The following ZNF451 variants were observed in gnomAD, a reference collection of about 807,000 sequenced individuals.
ZNF451 encodes zinc finger protein 451.
Under a neutral mutation model 107.1 loss-of-function variants are expected in ZNF451, and 80 were observed. That is an observed-to-expected ratio of 0.75 (90% CI 0.62 to 0.90). The LOEUF (loss-of-function observed/expected upper bound fraction) is 0.90. Ranked by LOEUF, ZNF451 falls within the 40% of genes least tolerant of loss-of-function variation. ZNF451 has a pLI of 0.00. For missense variants in ZNF451, 1,107 were observed against 1,236.2 expected, an observed-to-expected ratio of 0.90 and a Z score of 1.57; for synonymous variants, 362 against 406.5, an observed-to-expected ratio of 0.89 and a Z score of 1.32.
At chr6:57,108,131 GC>G (rs1829954388) in intron 3 of ZNF451, 1 of 985,148 alleles carries the variant, frequency 1.0e-6, no homozygotes, top group African/African-American at 1.7e-5. Flanking sequence ...GAGCCACAGT[GC>G]CCGGCCTGTA....
intron 3 of ZNF451, among the ~76,000 whole-genome samples, chr6:57,113,334 G>A (rs1205489554): frequency 2.0e-5 from 3 of 149,020 alleles, no homozygotes; most frequent in East Asian, 1.9e-4. Flanking sequence ...TTTTTTGGCC[G>A]TATAGTAGTC....
intron 3 of ZNF451, chr6:57,105,525 C>T: frequency 3.0e-6 from 3 of 985,276 alleles, no homozygotes; most frequent in Non-Finnish European, 3.6e-6. Flanking sequence ...TAAATGTACT[C>T]CCTTCTGAAT....
chr6:57,094,276 G>T (rs1002560244), intron 2 of ZNF451, among the ~76,000 whole-genome samples: 3 of 152,048 alleles, frequency 2.0e-5, no homozygotes, highest in Non-Finnish European at 4.4e-5. Context: ...ATTGGGAATA[G>T]AATTCTTTAA....
At chr6:57,149,635 G>T (rs777976385) in intron 10 of ZNF451, among the ~76,000 whole-genome samples, 2 of 152,020 alleles carry the variant, frequency 1.3e-5, no homozygotes, top group Non-Finnish European at 2.9e-5. Context: ...GAAAATTTTG[G>T]CCAGTAATGT....
At position 57,128,799 on chromosome 6, in the gene ZNF451, A is replaced by G. The variant is rs1469527063; in HGVS notation, c.383A>G (p.Glu128Gly). The change falls in exon 5 of 15, where the codon GAA becomes GGA. Residue 128 changes from glutamate to glycine, a missense_variant. This residue lies in a region of ZNF451 where 339 missense variants were observed against 372.8 expected (regional missense o/e 0.91). Coordinates refer to ENST00000370706, the MANE Select transcript of ZNF451 (RefSeq NM_001031623.3). Reference protein sequence around the residue: ...LEFIRGHSDTEAARLCVDQWL... With the variant: ...LEFIRGHSDTGAARLCVDQWL... ...TTTATTCGAGGACATTCTGATACAGAAGCAGCAAGACTGTGTGTGGACCAG... is the reference window on the plus strand; with the variant it reads ...TTTATTCGAGGACATTCTGATACAGGAGCAGCAAGACTGTGTGTGGACCAG... 2 of 1,613,126 alleles carry G rather than the reference A, an allele frequency of 1.2e-6. No homozygotes were observed. Among genetic ancestry groups the G allele is most frequent in the Non-Finnish European group, 1.7e-6 (2 of 1,179,510 alleles).
chr6:57,140,728 C>G (rs1449802982), intron 7 of ZNF451, among the ~76,000 whole-genome samples: 1 of 151,988 alleles, frequency 6.6e-6, no homozygotes, highest in African/African-American at 2.4e-5. Context: ...GACACCATGG[C>G]GTAGTTTGCA....
At chr6:57,163,436 C>CTGTTTTTTTTTTTTTTT (rs1763756954) in intron 14 of ZNF451, among the ~76,000 whole-genome samples, 1 of 30,334 alleles carries the variant, frequency 3.3e-5, no homozygotes, top group African/African-American at 1.2e-4. Context: ...AATGAATAAA[C>CTGTTTTTTTTTTTTTTT]TTTTTTTTTT....
At position 57,099,185 on chromosome 6, in the gene ZNF451, T is replaced by C. The variant is rs749685079; in HGVS notation, c.186+44T>C. ...ATTTGTGTTTCTTCACTTGTGTCTT[T>C]TAAGAGGTATTCTCTAAAGAGAGTT... On this transcript the variant is annotated intron_variant, in intron 3 of 14. Transcript: ENST00000370706. 6 of 1,434,428 alleles carry C rather than the reference T, an allele frequency of 4.2e-6. No individual in the cohort carries two copies. In the Admixed American group the frequency reaches 8.7e-5, roughly 21 times the overall value. 88.9% of individuals were successfully genotyped at this position (1,434,428 alleles called of 1,614,324 possible). A position where few individuals can be genotyped will look rare whatever the true frequency, so the allele number is the denominator to read the frequency against.
At chr6:57,155,698 T>C (rs1238056482) in intron 13 of ZNF451, among the ~76,000 whole-genome samples, 1 of 152,172 alleles carries the variant, frequency 6.6e-6, no homozygotes, top group African/African-American at 2.4e-5. Flanking sequence ...CCATATTCTG[T>C]TTGGAATGAG....
chr6:57,094,245 T>G (rs1829183583), intron 2 of ZNF451, among the ~76,000 whole-genome samples: 4 of 152,242 alleles, frequency 2.6e-5, no homozygotes, highest in Admixed American at 2.6e-4. Flanking sequence ...TACATGTGCT[T>G]CTGCCCCTAA....
chr6:57,128,792 G>T lies in ZNF451; in HGVS notation c.376G>T (p.Asp126Tyr). The T allele has an allele frequency of 6.2e-7, 1 of 1,613,218 alleles. No individual in the cohort carries two copies. The stretch of plus-strand genomic sequence containing the variant: ...ATTGGAATTTATTCGAGGACATTCT[G>T]ATACAGAAGCAGCAAGACTGTGTGT... ...QELEFIRGHS[D>Y]TEAARLCVDQ... Residue 126 changes from aspartate to tyrosine, a missense_variant, in exon 5 of 15, where the codon GAT (aspartate) becomes TAT (tyrosine). Around this residue, in one of 5 missense-constraint regions of ZNF451, gnomAD observed 339 missense variants for 372.8 expected, o/e 0.91. Coordinates refer to ENST00000370706, the MANE Select transcript of ZNF451 (RefSeq NM_001031623.3).
intron 5 of ZNF451, among the ~76,000 whole-genome samples, chr6:57,129,427 A>G (rs1351538393): frequency 1.3e-5 from 2 of 152,180 alleles, no homozygotes; most frequent in Non-Finnish European, 2.9e-5. Flanking sequence ...CACCATGACA[A>G]CTTTCCTGTC....
At position 57,090,271 on chromosome 6, in the gene ZNF451, G is replaced by A; in HGVS notation, c.18G>A (p.Ser6=). ...TCGGAGACATGGGAGACCCGGGGTC[G>A]GAGGTGAGTAGTCGAGTGAGGGTCC... MGDPG[S]EIIESVPPAG... The change falls in exon 1 of 15, where the codon TCG becomes TCA. Residue 6 remains serine (S), a synonymous_variant. Coordinates refer to ENST00000370706, the MANE Select transcript of ZNF451 (RefSeq NM_001031623.3). 1 of 1,611,306 alleles carries A rather than the reference G, an allele frequency of 6.2e-7. No individual in the cohort carries two copies. Among genetic ancestry groups the A allele is most frequent in the Non-Finnish European group, 8.5e-7 (1 of 1,179,480 alleles).
intron 7 of ZNF451, among the ~76,000 whole-genome samples, chr6:57,138,733 ATATATATATGTG>A (rs1417647217): frequency 1.5e-4 from 17 of 111,082 alleles, no homozygotes; most frequent in Admixed American, 4.7e-4. Context: ...ATATATATAT[ATATATATATGTG>A]TGTGTGTGTG....
intron 3 of ZNF451, chr6:57,115,665 C>T (rs1487121648): frequency 2.0e-5 from 3 of 152,148 alleles, no homozygotes; most frequent in African/African-American, 7.2e-5. Context: ...GGCTTTACAT[C>T]CTCCTTAATT....
chr6:57,097,490 CTTT>C (rs1471480267), intron 2 of ZNF451, among the ~76,000 whole-genome samples: 1 of 152,142 alleles, frequency 6.6e-6, no homozygotes, highest in Non-Finnish European at 1.5e-5. Context: ...AGAATATGGC[CTTT>C]TCTACTGCAT....
chr6:57,099,410 A>C, intron 3 of ZNF451: 1 of 711,546 alleles, frequency 1.4e-6, no homozygotes, highest in African/African-American at 1.8e-5. Context: ...TGGAAATGGA[A>C]TAAAAACTGC....
Position 57,090,267 on chromosome 6 carries a change from G to T in ZNF451, c.14G>T (p.Gly5Val). 1 of 1,611,364 alleles carries T rather than the reference G, an allele frequency of 6.2e-7. No individual in the cohort carries two copies. The highest frequency in any genetic ancestry group is 8.5e-7 in the Non-Finnish European group (1 of 1,179,500). ...GCCGTCGGAGACATGGGAGACCCGGGGTCGGAGGTGAGTAGTCGAGTGAGG... is the reference window on the plus strand; with the variant it reads ...GCCGTCGGAGACATGGGAGACCCGGTGTCGGAGGTGAGTAGTCGAGTGAGG... MGDP[G>V]SEIIESVPPA... Residue 5 changes from glycine to valine, a missense_variant, in exon 1 of 15, where the codon GGG becomes GTG. By Grantham distance (109) the Gly-to-Val change is moderately radical (BLOSUM62 -3). Coordinates refer to ENST00000370706, the MANE Select transcript of ZNF451 (RefSeq NM_001031623.3).
At chr6:57,129,696 T>C (rs377387321) in intron 5 of ZNF451, among the ~76,000 whole-genome samples, 3 of 152,268 alleles carry the variant, frequency 2.0e-5, no homozygotes, top group East Asian at 3.9e-4. Context: ...TCATTCCATT[T>C]GATACCTGAC....
Sources: allele counts gnomAD v4.1 joint callset (sites outside exome capture counted in the v4.1 genomes callset), GRCh38; gene constraint gnomAD v4.1.1; regional missense constraint gnomAD v4.1.1; transcripts MANE v1.5; gene names NCBI Gene and HGNC (gene_info 2026-07-23, HGNC 2026-07-21).